Variants in HIP1 observed in about 807,000 individuals in gnomAD.
The protein encoded by HIP1 is huntingtin interacting protein 1.
A neutral mutation model predicts 147.6 loss-of-function variants in HIP1; 65 were observed. The ratio of observed to expected loss-of-function variants is 0.44; its 90% CI spans 0.36 to 0.54. The LOEUF (loss-of-function observed/expected upper bound fraction) is 0.54. Among genes scored for constraint, HIP1 ranks in the 20% least tolerant of loss-of-function variants. HIP1 has a pLI of 0.00. For missense variants in HIP1, 1,061 were observed against 1,299.6 expected, an observed-to-expected ratio of 0.82 and a Z score of 2.82; for synonymous variants, 479 against 504.0, an observed-to-expected ratio of 0.95 and a Z score of 0.67.
chr7:75,591,460 TC>T (rs1224850701), intron 4 of HIP1, among the ~76,000 whole-genome samples: 2 of 151,422 alleles, frequency 1.3e-5, no homozygotes, highest in African/African-American at 4.9e-5. Flanking sequence ...GCCACCTACC[TC>T]CCCCCTCATC....
At chr7:75,623,880 A>C (rs1464532397) in intron 1 of HIP1, among the ~76,000 whole-genome samples, 1 of 152,168 alleles carries the variant, frequency 6.6e-6, no homozygotes, top group Non-Finnish European at 1.5e-5. Context: ...CAGCCTGGGG[A>C]GTAGTGAGAC....
intron 1 of HIP1, among the ~76,000 whole-genome samples, chr7:75,703,222 C>T (rs1554519346): frequency 6.6e-6 from 1 of 152,104 alleles, no homozygotes; most frequent in East Asian, 1.9e-4. Context: ...GTGGTGCATG[C>T]TTGTAATCCC....
chr7:75,571,555 G>A (rs1584813286), intron 8 of HIP1, among the ~76,000 whole-genome samples: 1 of 152,092 alleles, frequency 6.6e-6, no homozygotes, highest in East Asian at 1.9e-4. Context: ...CGCAGTTACA[G>A]AGTATACTGT....
intron 25 of HIP1, among the ~76,000 whole-genome samples, chr7:75,545,631 G>A (rs1794530073): frequency 1.3e-5 from 2 of 150,630 alleles, no homozygotes; most frequent in Admixed American, 6.6e-5. Flanking sequence ...AACAGAGCGA[G>A]ATTCTGTCTC....
At chr7:75,580,206 C>T (rs1795988193) in intron 7 of HIP1, among the ~76,000 whole-genome samples, 1 of 152,216 alleles carries the variant, frequency 6.6e-6, no homozygotes, top group Non-Finnish European at 1.5e-5. Flanking sequence ...TGGCTGCCAA[C>T]TCAACAACAG....
Position 75,607,235 on chromosome 7 carries a change from T to G in HIP1, c.121-7988A>C, listed in dbSNP as rs1278815680. Among the ~76,000 whole-genome samples the G allele has an allele frequency of 2.3e-4, 34 of 145,926 alleles. 1 individual carries two copies. The highest frequency in any genetic ancestry group is 8.3e-4 in the African/African-American group (33 of 39,748). On this transcript the variant is annotated intron_variant, in intron 1 of 30. Transcript: ENST00000336926. Reference sequence around the variant, plus strand: ...AAAAAAGAGTTGTTTTTTGTTTTGTTTTTTTTTTTTTTGAGACAGAGTCTT... The same window carrying G: ...AAAAAAGAGTTGTTTTTTGTTTTGTGTTTTTTTTTTTTGAGACAGAGTCTT...
intron 4 of HIP1, among the ~76,000 whole-genome samples, chr7:75,588,098 T>C (rs587745668): frequency 1.7e-4 from 26 of 152,310 alleles, no homozygotes; most frequent in African/African-American, 6.3e-4. Flanking sequence ...CTATGAAGAA[T>C]TCTACCGCCT....
At chr7:75,640,756 AATAATAAT>A (rs782277007) in intron 1 of HIP1, among the ~76,000 whole-genome samples, 25,215 of 121,312 alleles carry the variant, frequency 0.21, 2,539 homozygotes, top group African/African-American at 0.37. Context: ...CCATCTCAAT[AATAATAAT>A]AATAATAATA....
intron 1 of HIP1, among the ~76,000 whole-genome samples, chr7:75,729,173 A>C (rs1801751337): frequency 2.6e-5 from 4 of 151,164 alleles, no homozygotes; most frequent in African/African-American, 7.3e-5. Flanking sequence ...GAAAAAAAAA[A>C]AAAGAAGAAG....
At chr7:75,605,593 C>T (rs868981125) in intron 1 of HIP1, among the ~76,000 whole-genome samples, 3 of 151,886 alleles carry the variant, frequency 2.0e-5, no homozygotes, top group Non-Finnish European at 4.4e-5. Flanking sequence ...AGTGCAATGG[C>T]GCAATCTTGG....
chr7:75,703,710 A>G (rs1167541981), intron 1 of HIP1, among the ~76,000 whole-genome samples: 1 of 152,208 alleles, frequency 6.6e-6, no homozygotes. Context: ...CATACTATTC[A>G]TCTACAATGC....
intron 1 of HIP1, chr7:75,654,703 A>C (rs1799096416): frequency 1.3e-5 from 2 of 152,212 alleles, no homozygotes. Context: ...GCTGCTGTGG[A>C]AAACAGTTTG....
chr7:75,724,542 C>T (rs1448276827), intron 1 of HIP1, among the ~76,000 whole-genome samples: 1 of 151,638 alleles, frequency 6.6e-6, no homozygotes, highest in Non-Finnish European at 1.5e-5. Context: ...GCCACTGCAC[C>T]CAGCCTAAAA....
intron 29 of HIP1, among the ~76,000 whole-genome samples, chr7:75,539,758 C>G (rs1054125313): frequency 6.6e-6 from 1 of 152,204 alleles, no homozygotes; most frequent in African/African-American, 2.4e-5. Context: ...TTCTCCCATT[C>G]ATTTATCTAT....
intron 1 of HIP1, among the ~76,000 whole-genome samples, chr7:75,612,274 C>T (rs782183664): frequency 6.6e-6 from 1 of 152,186 alleles, no homozygotes; most frequent in Non-Finnish European, 1.5e-5. Context: ...CTTTGGGAGG[C>T]GGAGGTGGGC....
intron 1 of HIP1, among the ~76,000 whole-genome samples, chr7:75,676,574 C>T (rs563244116): frequency 1.1e-4 from 16 of 151,720 alleles, no homozygotes; most frequent in Non-Finnish European, 1.8e-4. Context: ...GTCAGGAGTT[C>T]GAGACCAGCC....
intron 1 of HIP1, among the ~76,000 whole-genome samples, chr7:75,635,771 C>G (rs1554509579): frequency 6.6e-6 from 1 of 151,792 alleles, no homozygotes; most frequent in East Asian, 1.9e-4. Flanking sequence ...ACCTATAATC[C>G]CAGCAGTTTG....
intron 1 of HIP1, among the ~76,000 whole-genome samples, chr7:75,650,874 C>T (rs111331444): frequency 2.0e-5 from 3 of 152,010 alleles, no homozygotes; most frequent in African/African-American, 7.2e-5. Flanking sequence ...CATGTTATCA[C>T]GGCTTACAGG....
chr7:75,714,980 C>T (rs1801271997), intron 1 of HIP1, among the ~76,000 whole-genome samples: 1 of 152,232 alleles, frequency 6.6e-6, no homozygotes, highest in Non-Finnish European at 1.5e-5. Context: ...CCTGCTCTTT[C>T]ATGACCTTCA....
Sources: gnomAD v4.1 joint callset for allele counts (sites outside exome capture counted in the v4.1 genomes callset) on GRCh38, gnomAD v4.1.1 for gene constraint, MANE v1.5 for transcripts, NCBI Gene and HGNC (gene_info 2026-07-23, HGNC 2026-07-21) for gene names.